Variants in ARHGEF1 observed in about 807,000 individuals in gnomAD.
ARHGEF1 encodes the protein 115 kDa guanine nucleotide exchange factor.
A neutral mutation model predicts 119.7 loss-of-function variants in ARHGEF1; 40 were observed. The observed-to-expected ratio is 0.33, with a 90% confidence interval of 0.26 to 0.44. The LOEUF is 0.44. Among genes scored for constraint, ARHGEF1 ranks in the 20% least tolerant of loss-of-function variants. The pLI is 1.00. For missense variants in ARHGEF1, 976 were observed against 1,268.3 expected (o/e 0.77, Z 3.50); for synonymous variants, 494 against 521.0 (o/e 0.95, Z 0.71).
Position 41,905,480 on chromosome 19 carries a change from GGT to G in ARHGEF1, c.2336+228_2336+229del, listed in dbSNP as rs35081387. On this transcript the variant is annotated intron_variant, in intron 24 of 28. Transcript: ENST00000354532. This position sits in a 1 kb window ranked among gnomAD's most constrained non-coding sequence, Gnocchi z 6.4. ...TGCGTGTGCATGTGTGTGCGTGTAT[GGT>G]GTGTGTGTATGCATATGTGTGCATG... 0.012 allele frequency: 7,189 copies of G among 614,432 alleles called. 309 individuals carry two copies. The highest frequency in any genetic ancestry group is 0.1 in the African/African-American group (5,441 of 54,130). 38.1% of individuals were successfully genotyped at this position (614,432 alleles called of 1,614,324 possible).
intron 11 of ARHGEF1, among the ~76,000 whole-genome samples, chr19:41,894,893 G>A (rs1401350692): frequency 9.1e-6 from 1 of 110,156 alleles, no homozygotes; most frequent in African/African-American, 1.2e-4. Context: ...GGAGGGACTG[G>A]GCCTGGACCC....
At chr19:41,887,249 G>A (rs2074307496) in intron 1 of ARHGEF1, among the ~76,000 whole-genome samples, 2 of 152,076 alleles carry the variant, frequency 1.3e-5, no homozygotes, top group Non-Finnish European at 2.9e-5. Context: ...CTGGAGGAAG[G>A]GAAAGAGAAA....
chr19:41,884,263 C>G (rs1185555216), intron 1 of ARHGEF1: 10 of 691,138 alleles, frequency 1.4e-5, no homozygotes, highest in Middle Eastern at 8.1e-4. Context: ...CCTATCTGGC[C>G]TGCGTGGCGC....
chr19:41,884,484 C>T (rs1555844912), intron 1 of ARHGEF1: 15 of 1,607,786 alleles, frequency 9.3e-6, no homozygotes, highest in Non-Finnish European at 1.1e-5. Context: ...TCTCTTTCCA[C>T]CTGGAGCAGG....
chr19:41,926,526 C>T (rs1037410569), intron 1 of ARHGEF1, among the ~76,000 whole-genome samples: 1 of 152,140 alleles, frequency 6.6e-6, no homozygotes, highest in Non-Finnish European at 1.5e-5. Context: ...ATTTCTCTCG[C>T]TCCCCTGTCC....
In ARHGEF1 at chr19:41,906,553, G is replaced by A; in HGVS notation, c.2588G>A (p.Ser863Asn). The A allele has an allele frequency of 6.3e-7, 1 of 1,595,020 alleles. No individual in the cohort carries two copies. The highest frequency in any genetic ancestry group is 2.2e-5 in the East Asian group (1 of 44,568). ...GDGVPGGGPL[S>N]PARTQEIQEN... ...GGGGTCCCAGGGGGCGGCCCCCTGA[G>A]CCCAGCACGGACCCAGGAAATCCAG... Residue 863 changes from serine to asparagine, a missense_variant, in exon 27 of 29, where the codon AGC (serine) becomes AAC (asparagine). Physicochemically the swap from Ser to Asn is conservative, Grantham distance 46. This residue lies in a region of ARHGEF1 where 171 missense variants were observed against 180.6 expected (regional missense o/e 0.95). Transcript: ENST00000354532. This position sits in a 1 kb window ranked among gnomAD's most constrained non-coding sequence, Gnocchi z 4.5.
chr19:41,922,098 G>GTGGTGTA (rs2074845698), upstream of ARHGEF1, among the ~76,000 whole-genome samples: 1 of 152,098 alleles, frequency 6.6e-6, no homozygotes, highest in Non-Finnish European at 1.5e-5. Flanking sequence ...AGGGGCGGGG[G>GTGGTGTA]CAGAGAGCTG....
downstream of ARHGEF1, chr19:41,909,007 C>T: frequency 9.2e-7 from 1 of 1,087,126 alleles, no homozygotes; most frequent in African/African-American, 1.6e-5. This position sits in a 1 kb window ranked among gnomAD's most constrained non-coding sequence, Gnocchi z 5.2. Context: ...TTCCCTCAAG[C>T]CTGCAGCTTC....
chr19:41,908,450 T>A, downstream of ARHGEF1: 1 of 1,231,260 alleles, frequency 8.1e-7, no homozygotes, highest in Non-Finnish European at 1.0e-6. This position sits in a 1 kb window ranked among gnomAD's most constrained non-coding sequence, Gnocchi z 6.7. Context: ...GGCCCTCCCC[T>A]GTCGAGGCCA....
intron 1 of ARHGEF1, chr19:41,884,531 C>G: frequency 6.2e-7 from 1 of 1,603,194 alleles, no homozygotes. Context: ...CAGACCCTGA[C>G]TCTGCACGTC....
At chr19:41,909,489 GTGT>G, downstream of ARHGEF1, 1 of 1,252,372 alleles carries the variant, frequency 8.0e-7, no homozygotes, top group Non-Finnish European at 1.0e-6. The surrounding 1 kb of genome is among the most constrained non-coding windows in gnomAD (Gnocchi z 5.2). Context: ...GAGAGTGGTG[GTGT>G]TGGGGAGGTG....
At chr19:41,898,904 C>T (rs545512290) in intron 14 of ARHGEF1, among the ~76,000 whole-genome samples, 1 of 152,228 alleles carries the variant, frequency 6.6e-6, no homozygotes, top group Non-Finnish European at 1.5e-5. Context: ...ATAGTTCCTA[C>T]CTCAGATATT....
intron 18 of ARHGEF1, among the ~76,000 whole-genome samples, chr19:41,915,428 G>A (rs1485009605): frequency 1.3e-5 from 2 of 151,550 alleles, no homozygotes; most frequent in Non-Finnish European, 1.5e-5. Context: ...CCCATCTCTG[G>A]GTCTCCATGC....
Position 41,898,601 on chromosome 19 carries a change from C to A in ARHGEF1, c.1267+14C>A. 6.3e-7 allele frequency: 1 copy of A among 1,581,734 alleles called. No homozygotes were observed. On this transcript the variant is annotated intron_variant, in intron 14 of 28. Transcript: ENST00000354532. ...AGGTCATCAGCGGTGAGTACTGCCC[C>A]CATCACCCCACTGTGGCCAAGGACA... is the stretch of plus-strand genomic sequence containing the variant.
chr19:41,904,404 G>A lies in ARHGEF1; in HGVS notation c.2161+21G>A. 1 of 1,535,102 alleles carries A rather than the reference G, an allele frequency of 6.5e-7. No individual in the cohort carries two copies. Among genetic ancestry groups the A allele is most frequent in the Non-Finnish European group, 8.8e-7 (1 of 1,142,794 alleles). ...CACCGGTGAGTGCAGCCACTGCATG[G>A]CCCAGGGCAGAGGGTGTCTTTTTTG... On this transcript the variant is annotated intron_variant, in intron 22 of 28. Transcript: ENST00000354532. This position sits in a 1 kb window ranked among gnomAD's most constrained non-coding sequence, Gnocchi z 8.4.
chr19:41,914,245 C>G (rs1188093707), intron 18 of ARHGEF1, among the ~76,000 whole-genome samples: 1 of 151,268 alleles, frequency 6.6e-6, no homozygotes, highest in Non-Finnish European at 1.5e-5. Context: ...CCGTCTTTCT[C>G]CATCTGCCCC....
intron 14 of ARHGEF1, among the ~76,000 whole-genome samples, chr19:41,900,202 C>T (rs575004329): frequency 5.9e-5 from 9 of 152,210 alleles, no homozygotes; most frequent in Admixed American, 3.3e-4. Context: ...AGCATAGTGG[C>T]GCATGCCTGT....
intron 1 of ARHGEF1, among the ~76,000 whole-genome samples, chr19:41,925,434 G>A (rs781799122): frequency 4.5e-4 from 69 of 152,250 alleles, no homozygotes; most frequent in Middle Eastern, 3.4e-3. Flanking sequence ...CCAAACGTGT[G>A]TGTGTAAAGT....
At position 41,905,933 on chromosome 19, in the gene ARHGEF1, A is replaced by G. The variant is rs2074687719; in HGVS notation, c.2405-6A>G. ...ATCTGAGCTCCCTCTCTGTTCCCCA[A>G]TCCAGCCCGGACCGAGAGAATCCTC... On this transcript the variant is annotated splice_region_variant and splice_polypyrimidine_tract_variant and intron_variant, in intron 25 of 28. Transcript: ENST00000354532. This position sits in a 1 kb window ranked among gnomAD's most constrained non-coding sequence, Gnocchi z 6.4. 9 of 1,613,828 alleles carry G rather than the reference A, an allele frequency of 5.6e-6. No individual in the cohort carries two copies. The highest frequency in any genetic ancestry group is 1.7e-5 in the Admixed American group (1 of 59,986).
Sources: allele counts gnomAD v4.1 joint callset (sites outside exome capture counted in the v4.1 genomes callset), GRCh38; gene constraint gnomAD v4.1.1; regional missense constraint gnomAD v4.1.1; non-coding constraint Gnocchi (gnomAD v3.1); transcripts MANE v1.5; gene names NCBI Gene and HGNC (gene_info 2026-07-23, HGNC 2026-07-21).